The following ARSH variants were observed in gnomAD, a reference collection of about 807,000 sequenced individuals.
The protein encoded by ARSH is arylsulfatase H.
In ARSH, 32 loss-of-function variants were observed where a neutral mutation model predicts 28.7. The observed-to-expected ratio is 1.11, with a 90% CI of 0.84 to 1.50. The LOEUF (loss-of-function observed/expected upper bound fraction) is 1.50, where lower values mean the gene tolerates loss of function less well. Among genes scored for constraint, ARSH ranks in the 40% most tolerant of loss-of-function variants. The pLI is 0.00. For synonymous variants in ARSH, 176 were observed against 177.3 expected, an observed-to-expected ratio of 0.99 and a Z score of 0.06; for missense variants, 440 against 452.4, an observed-to-expected ratio of 0.97 and a Z score of 0.25.
At chrX:3,014,312 G>T (rs1006028419) in intron 3 of ARSH, among the ~76,000 whole-genome samples, 3 of 111,361 alleles carry the variant, frequency 2.7e-5, no homozygotes, top group African/African-American at 9.8e-5. Flanking sequence ...ATAATAAAGG[G>T]TCTGGGAAGT....
chrX:3,006,669 G>A lies in ARSH; in HGVS notation c.57G>A (p.Val19=), dbSNP rs1305220943. The A allele has an allele frequency of 1.8e-5, 22 of 1,208,912 alleles. No individual in the cohort carries two copies. The highest frequency in any genetic ancestry group is 2.5e-5 in the Non-Finnish European group (22 of 894,815). Residue 19 remains valine, a synonymous_variant, in exon 1 of 9, where the codon GTG becomes GTA. Transcript: ENST00000381130. ...TGCTGATGGCAGATGACCTTGGAGTGGGGGATTTGTGCTGCTACGGTAATA... is the reference window on the plus strand; with the variant it reads ...TGCTGATGGCAGATGACCTTGGAGTAGGGGATTTGTGCTGCTACGGTAATA... ...IVLLMADDLG[V]GDLCCYGNNS...
intron 2 of ARSH, among the ~76,000 whole-genome samples, chrX:3,012,271 C>G (rs1374575592): frequency 9.3e-6 from 1 of 107,983 alleles, no homozygotes; most frequent in African/African-American, 3.4e-5. Context: ...GGCACGGTGG[C>G]TCACATCTTT....
chrX:3,029,037 C>A (rs1254846755), intron 7 of ARSH, among the ~76,000 whole-genome samples: 1 of 104,992 alleles, frequency 9.5e-6, no homozygotes, highest in Non-Finnish European at 2.0e-5. Flanking sequence ...GAGATCGCAC[C>A]ATTGCACTCC....
At chrX:3,015,773 A>G (rs1478914447) in intron 4 of ARSH, among the ~76,000 whole-genome samples, 1 of 110,282 alleles carries the variant, frequency 9.1e-6, no homozygotes. Flanking sequence ...CCCTGAGTGC[A>G]ATAGACCCAC....
rs73439617 is a variant in ARSH at position 3,028,712 on chromosome X, A to G, written c.1200-535A>G. Among the ~76,000 whole-genome samples the G allele has an allele frequency of 6.6e-3, 732 of 111,651 alleles. 11 individuals carry two copies. Among genetic ancestry groups the G allele is most frequent in the African/African-American group, 0.022 (663 of 30,739 alleles). On this transcript the variant is annotated intron_variant, in intron 7 of 8. Coordinates refer to ENST00000381130, the MANE Select transcript of ARSH (RefSeq NM_001011719.2). The stretch of plus-strand genomic sequence containing the variant: ...ATAGTTCTAGCTGTTCTCTTCTTCC[A>G]TGACCTCAGAAAATGAATGTTTTGT...
At chrX:3,012,627 C>G (rs1338604552) in intron 2 of ARSH, among the ~76,000 whole-genome samples, 1 of 64,807 alleles carries the variant, frequency 1.5e-5, no homozygotes, top group Non-Finnish European at 2.7e-5. Context: ...TATATACACA[C>G]ACACACATAT....
chrX:3,025,133 T>G (rs933879203), intron 6 of ARSH, among the ~76,000 whole-genome samples: 11 of 108,881 alleles, frequency 1.0e-4, no homozygotes, highest in African/African-American at 3.3e-4. Context: ...TATAATCCTA[T>G]ATATAGTCAC....
intron 5 of ARSH, among the ~76,000 whole-genome samples, chrX:3,019,498 T>A (rs1319528899): frequency 9.0e-6 from 1 of 111,106 alleles, no homozygotes; most frequent in East Asian, 2.8e-4. Context: ...TCCAGAATAA[T>A]AAATAGCTGT....
chrX:3,008,619 G>C (rs1302222610), intron 1 of ARSH, among the ~76,000 whole-genome samples: 1 of 107,466 alleles, frequency 9.3e-6, no homozygotes, highest in Non-Finnish European at 1.9e-5. Flanking sequence ...GCATGATCTT[G>C]GCTCACTGCA....
At position 3,018,432 on chromosome X, in the gene ARSH, G is replaced by A. The variant is rs374325866; in HGVS notation, c.765-102G>A. 930 of 883,014 alleles carry A rather than the reference G, an allele frequency of 1.1e-3. 19 individuals are homozygous for A. In the South Asian group the frequency reaches 0.022, roughly 21 times the overall value. The allele number at this position is 883,014 out of a possible 1,213,427, so 72.8% of individuals were successfully genotyped here. The stretch of plus-strand genomic sequence containing the variant: ...CATCTAAAGTACATAGAAAACCTCC[G>A]CCAGCTATTATGAGATCTTTTCATC... On this transcript the variant is annotated intron_variant, in intron 4 of 8. Transcript: ENST00000381130.
In ARSH at chrX:3,024,146, A is replaced by T. The variant is rs1472177144; in HGVS notation, c.1027A>T (p.Ile343Phe). Reference protein sequence around the residue: ...GAVQLGGWNGIYKGGKGMGGW... With the variant: ...GAVQLGGWNGFYKGGKGMGGW... ...TGTTCAGCTGGGTGGCTGGAACGGGATCTACAAAGGTGATTGTGTGTAGAG... is the reference window on the plus strand; with the variant it reads ...TGTTCAGCTGGGTGGCTGGAACGGGTTCTACAAAGGTGATTGTGTGTAGAG... The change falls in exon 6 of 9, where the codon ATC becomes TTC. Residue 343 changes from isoleucine (I) to phenylalanine (F), a missense_variant. By Grantham distance (21) the Ile-to-Phe change is conservative. Transcript: ENST00000381130. The T allele has an allele frequency of 6.7e-6, 8 of 1,193,676 alleles. No individual in the cohort carries two copies. The highest frequency in any genetic ancestry group is 2.3e-5 in the Admixed American group (1 of 42,684).
In ARSH at chrX:3,013,172, G is replaced by A. The variant is rs371021590; in HGVS notation, c.340G>A (p.Gly114Ser). 4.2e-6 allele frequency: 5 copies of A among 1,201,422 alleles called. No individual in the cohort carries two copies. Among genetic ancestry groups the A allele is most frequent in the Non-Finnish European group, 5.6e-6 (5 of 891,473 alleles). ...CCGTGGCTACCGCACGGGACTCATA[G>A]GTATGGCGCCGGAACTCTGCCCGTG... is the stretch of plus-strand genomic sequence containing the variant. ...QHRGYRTGLIGKWHLGLSCAS... is the reference protein window; with the variant it reads ...QHRGYRTGLISKWHLGLSCAS... The change falls in exon 3 of 9, where the codon GGC (glycine) becomes AGC (serine). Residue 114 changes from glycine (G) to serine (S), a missense_variant and splice_region_variant. By Grantham distance (56) the Gly-to-Ser change is moderately conservative. Transcript: ENST00000381130.
intron 1 of ARSH, 29 bp downstream of exon 1, chrX:3,006,733 T>C: frequency 9.1e-7 from 1 of 1,100,582 alleles, no homozygotes; most frequent in Non-Finnish European, 1.3e-6. Flanking sequence ...CCCCTCCCTG[T>C]ATGTGGGAGT....
chrX:3,010,647 C>T (rs777731142), intron 2 of ARSH, among the ~76,000 whole-genome samples: 7 of 112,189 alleles, frequency 6.2e-5, no homozygotes, highest in Non-Finnish European at 9.4e-5. Flanking sequence ...GTTGATATAA[C>T]GACAATTAAA....
In ARSH at chrX:3,015,262, G is replaced by A; in HGVS notation, c.633G>A (p.Trp211Ter). 1.7e-6 allele frequency: 2 copies of A among 1,210,941 alleles called. No individual in the cohort carries two copies. Among genetic ancestry groups the A allele is most frequent in the South Asian group, 1.8e-5 (1 of 56,839 alleles). Residue 211 changes from tryptophan (W) to a stop codon, truncating the protein, a stop_gained, in exon 4 of 9, where the codon TGG becomes TGA. Coordinates refer to ENST00000381130, the MANE Select transcript of ARSH (RefSeq NM_001011719.2). LOFTEE classifies it high-confidence loss of function. Reference sequence around the variant, plus strand: ...TCGCCTTTCTGTTTTTCACTTCCTGGTACTCTAGTTATGGATTTACTCGAC... The same window carrying A: ...TCGCCTTTCTGTTTTTCACTTCCTGATACTCTAGTTATGGATTTACTCGAC... ...ALLAFLFFTS[W>*]YSSYGFTRRW...
In ARSH at chrX:3,013,173, G is replaced by T. The variant is rs1006593080; in HGVS notation, c.340+1G>T. ...CGTGGCTACCGCACGGGACTCATAG[G>T]TATGGCGCCGGAACTCTGCCCGTGG... On this transcript the variant is annotated splice_donor_variant, in intron 3 of 8. Transcript: ENST00000381130. LOFTEE classifies it high-confidence loss of function. The T allele has an allele frequency of 3.9e-5, 47 of 1,200,633 alleles. No homozygotes were observed. Among genetic ancestry groups the T allele is most frequent in the Non-Finnish European group, 4.6e-5 (41 of 891,110 alleles).
intron 1 of ARSH, among the ~76,000 whole-genome samples, chrX:3,008,448 A>C (rs868729737): frequency 4.4e-5 from 4 of 90,821 alleles, no homozygotes; most frequent in Admixed American, 1.2e-4. Flanking sequence ...TCTTCTTCTT[A>C]TTTTCTTTCT....
rs1373296425 is a variant in ARSH at position 3,033,820 on chromosome X, T to C, written c.*435T>C. The stretch of plus-strand genomic sequence containing the variant: ...CATGAAGCAGAGGGTCACATAAAAC[T>C]TGAAGTAGTGCTGTTATAGTCAGTT... On this transcript the variant is annotated 3_prime_UTR_variant, in exon 9 of 9. Coordinates refer to ENST00000381130, the MANE Select transcript of ARSH (RefSeq NM_001011719.2). Among the ~76,000 whole-genome samples the C allele has an allele frequency of 9.0e-6, 1 of 111,561 alleles. No homozygotes were observed. The highest frequency in any genetic ancestry group is 1.9e-5 in the Non-Finnish European group (1 of 53,224).
chrX:3,032,975 C>A lies in ARSH; in HGVS notation c.1322-43C>A, dbSNP rs1424540010. ...TCTTTAACGAAAAGAGTCCTAAAAT[C>A]ACCACAAAGATGGTATCATACATAA... is the stretch of plus-strand genomic sequence containing the variant. On this transcript the variant is annotated intron_variant, in intron 8 of 8. Coordinates refer to ENST00000381130, the MANE Select transcript of ARSH (RefSeq NM_001011719.2). The A allele has an allele frequency of 2.6e-6, 3 of 1,158,842 alleles. No individual in the cohort carries two copies. In the Admixed American group the frequency reaches 8.0e-5, roughly 31 times the overall value.
Sources: allele counts gnomAD v4.1 joint callset (sites outside exome capture counted in the v4.1 genomes callset), GRCh38; gene constraint gnomAD v4.1.1; transcripts MANE v1.5; gene names NCBI Gene and HGNC (gene_info 2026-07-23, HGNC 2026-07-21).